WARS2: variants seen among roughly 807,000 people sequenced by gnomAD.
WARS2 encodes the protein tryptophan--tRNA ligase, mitochondrial.
Under a neutral mutation model 36.5 loss-of-function variants are expected in WARS2, and 28 were observed. That is an observed-to-expected ratio of 0.77 (90% CI 0.57 to 1.05). The LOEUF is 1.05. Among genes scored for constraint, WARS2 ranks in the 50% least tolerant of loss-of-function variants. The pLI is 0.00. For synonymous variants in WARS2, 174 were observed against 178.4 expected, an observed-to-expected ratio of 0.98 and a Z score of 0.20; for missense variants, 435 against 456.8, an observed-to-expected ratio of 0.95 and a Z score of 0.44.
At chr1:119,069,476 A>C (rs145003639) in intron 2 of WARS2, among the ~76,000 whole-genome samples, 83 of 152,334 alleles carry the variant, frequency 5.4e-4, no homozygotes, top group Middle Eastern at 3.4e-3. Flanking sequence ...AATAATCTCT[A>C]ATTTATCTGT....
chr1:119,073,823 T>C (rs924215779), intron 2 of WARS2, among the ~76,000 whole-genome samples: 1 of 152,216 alleles, frequency 6.6e-6, no homozygotes, highest in Non-Finnish European at 1.5e-5. Context: ...TAGATGCTTA[T>C]GAAGATCACT....
intron 1 of WARS2, chr1:119,139,792 G>C (rs897496754): frequency 6.6e-6 from 1 of 152,224 alleles, no homozygotes; most frequent in African/African-American, 2.4e-5. Context: ...CACTGAGACT[G>C]TACTTGGAAG....
intron 1 of WARS2, among the ~76,000 whole-genome samples, chr1:119,105,054 C>T (rs1654137597): frequency 1.3e-5 from 2 of 152,100 alleles, no homozygotes; most frequent in African/African-American, 4.8e-5. Context: ...AAAATCATTG[C>T]AGGAGCAGAG....
chr1:119,034,406 C>T lies in WARS2; in HGVS notation c.516-193G>A, dbSNP rs1647701740. ...CAAAAGCCAAAGAGATGTTTCTCTACTCTAGTTGTGTTTTTTCCACAGCAG... is the reference window on the plus strand; with the variant it reads ...CAAAAGCCAAAGAGATGTTTCTCTATTCTAGTTGTGTTTTTTCCACAGCAG... On this transcript the variant is annotated intron_variant, in intron 4 of 5. Coordinates refer to ENST00000235521, the MANE Select transcript of WARS2 (RefSeq NM_015836.4). Among the ~76,000 whole-genome samples the T allele has an allele frequency of 2.0e-5, 3 of 152,168 alleles. No homozygotes were observed. In the South Asian group the frequency reaches 6.2e-4, roughly 31 times the overall value.
chr1:119,063,863 C>A (rs113887532), intron 2 of WARS2: 8 of 152,344 alleles, frequency 5.3e-5, no homozygotes, highest in South Asian at 2.1e-4. Flanking sequence ...TGGAGAACCT[C>A]TGCTAGGGTA....
intron 1 of WARS2, among the ~76,000 whole-genome samples, chr1:119,081,650 T>A (rs1422548976): frequency 6.6e-6 from 1 of 152,218 alleles, no homozygotes; most frequent in Non-Finnish European, 1.5e-5. Context: ...ATTCTTCTCA[T>A]TGTATATAAA....
intron 1 of WARS2, 77 bp from the exon 2 acceptor site, chr1:119,076,684 T>C (rs1476654543): frequency 4.5e-6 from 7 of 1,565,050 alleles, no homozygotes; most frequent in Non-Finnish European, 5.2e-6. Flanking sequence ...ATCATAGCTA[T>C]GGGAGCTAGT....
At chr1:119,034,350 T>C in intron 4 of WARS2, 137 bp from the exon 5 acceptor site, 2 of 708,484 alleles carry the variant, frequency 2.8e-6, no homozygotes, top group Non-Finnish European at 4.8e-6. Context: ...AGAGGGAATG[T>C]TTAGACCTAA....
At chr1:119,128,494 T>C (rs1165581110) in intron 1 of WARS2, among the ~76,000 whole-genome samples, 1 of 152,204 alleles carries the variant, frequency 6.6e-6, no homozygotes, top group African/African-American at 2.4e-5. Context: ...CTCCCTTTTT[T>C]AATTCCTCAA....
intron 2 of WARS2, among the ~76,000 whole-genome samples, chr1:119,049,624 CG>C (rs924990230): frequency 6.6e-6 from 1 of 152,190 alleles, no homozygotes; most frequent in African/African-American, 2.4e-5. Context: ...ACATCCAAAA[CG>C]TAACTCCTGA....
chr1:119,060,733 T>C (rs1011783642), intron 2 of WARS2, among the ~76,000 whole-genome samples: 14 of 152,226 alleles, frequency 9.2e-5, no homozygotes, highest in African/African-American at 3.4e-4. Context: ...GTTTTGTGAC[T>C]TTCTGTCTGA....
Position 119,051,034 on chromosome 1 carries a change from T to C in WARS2, c.349-5372A>G, listed in dbSNP as rs1412114778. Among the ~76,000 whole-genome samples, 80 of 152,206 alleles carry C rather than the reference T, an allele frequency of 5.3e-4. 1 individual carries two copies. The highest frequency in any genetic ancestry group is 7.3e-5 in the Non-Finnish European group (5 of 68,030). ...ACCATTTTCTGCATTTTGCTTTTTT[T>C]TTAAATTTTATTTTAGGTTCAGGAG... is the stretch of plus-strand genomic sequence containing the variant. On this transcript the variant is annotated intron_variant, in intron 2 of 5. Coordinates refer to ENST00000235521, the MANE Select transcript of WARS2 (RefSeq NM_015836.4).
chr1:119,128,938 G>A (rs1655889685), intron 1 of WARS2, among the ~76,000 whole-genome samples: 1 of 152,118 alleles, frequency 6.6e-6, no homozygotes. Flanking sequence ...TCAAAATTAA[G>A]GAAATATGGT....
intron 1 of WARS2, among the ~76,000 whole-genome samples, chr1:119,135,987 G>T (rs1214772012): frequency 6.6e-6 from 1 of 152,244 alleles, no homozygotes; most frequent in South Asian, 2.1e-4. Flanking sequence ...GCCCAGGTTG[G>T]TCTGAAATTC....
chr1:119,069,162 T>C (rs1444810506), intron 2 of WARS2, among the ~76,000 whole-genome samples: 4 of 152,304 alleles, frequency 2.6e-5, no homozygotes, highest in Middle Eastern at 3.4e-3. Context: ...AAATAGCCTT[T>C]ATAATTTAGC....
chr1:119,108,757 C>T (rs1453189816), intron 1 of WARS2, among the ~76,000 whole-genome samples: 2 of 151,812 alleles, frequency 1.3e-5, no homozygotes, highest in African/African-American at 2.4e-5. Flanking sequence ...TGCTTATTTT[C>T]AACTTAATGT....
chr1:119,094,199 C>T (rs937278513), intron 1 of WARS2, among the ~76,000 whole-genome samples: 28 of 152,100 alleles, frequency 1.8e-4, no homozygotes, highest in African/African-American at 5.1e-4. Context: ...TAAACAGTAG[C>T]TCTGAAATTT....
chr1:119,040,273 A>C (rs1163234612), intron 4 of WARS2, among the ~76,000 whole-genome samples: 1 of 152,222 alleles, frequency 6.6e-6, no homozygotes, highest in East Asian at 1.9e-4. Context: ...CACTGGACTG[A>C]AGCTGTAAAG....
At chr1:119,089,553 G>A (rs1039298907) in intron 1 of WARS2, among the ~76,000 whole-genome samples, 1 of 152,138 alleles carries the variant, frequency 6.6e-6, no homozygotes, top group African/African-American at 2.4e-5. Context: ...CTATCTCAGA[G>A]GGTGGTTCGG....
Sources: allele counts gnomAD v4.1 joint callset (sites outside exome capture counted in the v4.1 genomes callset), GRCh38; gene constraint gnomAD v4.1.1; transcripts MANE v1.5; gene names NCBI Gene and HGNC (gene_info 2026-07-23, HGNC 2026-07-21).